The following HEATR5B variants were observed in gnomAD, a reference collection of about 807,000 sequenced individuals.
The protein encoded by HEATR5B is HEAT repeat-containing protein 5B.
HEATR5B carries 156 observed loss-of-function variants against 224.1 expected under a neutral mutation model. The observed-to-expected ratio is 0.70, with a 90% confidence interval of 0.61 to 0.80. The LOEUF (loss-of-function observed/expected upper bound fraction) is 0.80, where lower values mean the gene tolerates loss of function less well. HEATR5B is among the 30% of genes least tolerant of loss of function. The pLI is 0.00. For missense variants in HEATR5B, 2,323 were observed against 2,535.5 expected (o/e 0.92, Z 1.80); for synonymous variants, 1,027 against 893.0 (o/e 1.15, Z -2.68).
rs1269734961 is a variant in HEATR5B, at chr2:36,981,682, C to G, written c.6024G>C (p.Gln2008His). The part of the protein sequence containing the change: ...ASKDLHEFAL[Q>H]NLMHIGPLYP... ...ACAGAGGTCCAATATGCATTAAATT[C>G]TGGAGTGCAAACTCATGAAGATCTT... The change falls in exon 36 of 36, where the codon CAG becomes CAC. Residue 2008 changes from glutamine to histidine, a missense_variant. Physicochemically the swap from Gln to His is conservative, Grantham distance 24. Around this residue, in one of 12 missense-constraint regions of HEATR5B, gnomAD observed 844 missense variants for 812.9 expected, o/e 1.04. Transcript: ENST00000233099. 1 of 1,614,142 alleles carries G rather than the reference C, an allele frequency of 6.2e-7. No homozygotes were observed. Among genetic ancestry groups the G allele is most frequent in the Non-Finnish European group, 8.5e-7 (1 of 1,180,020 alleles).
chr2:37,044,200 G>C (rs951177271), intron 18 of HEATR5B, among the ~76,000 whole-genome samples: 2 of 152,144 alleles, frequency 1.3e-5, no homozygotes, highest in African/African-American at 4.8e-5. Context: ...GTGGGTAGTG[G>C]CTGCCATATT....
In HEATR5B at chr2:37,083,447, AC is replaced by A. The variant is rs771595698; in HGVS notation, c.-22-12del. ...GTTTGAAATTCACACCTTAAATTTA[AC>A]AGAGTAAAAAATACTTGTAAGTATT... On this transcript the variant is annotated splice_polypyrimidine_tract_variant and intron_variant, in intron 1 of 35. Transcript: ENST00000233099. The A allele has an allele frequency of 4.0e-5, 64 of 1,581,232 alleles. No individual in the cohort carries two copies. The highest frequency in any genetic ancestry group is 5.3e-5 in the Non-Finnish European group (61 of 1,154,528).
At chr2:37,021,054 C>G (rs1668428154) in intron 24 of HEATR5B, among the ~76,000 whole-genome samples, 1 of 151,988 alleles carries the variant, frequency 6.6e-6, no homozygotes, top group African/African-American at 2.4e-5. Flanking sequence ...TGTTATAGGA[C>G]TTACAATGAT....
At chr2:37,036,540 T>C (rs1223819801) in intron 21 of HEATR5B, among the ~76,000 whole-genome samples, 1 of 151,760 alleles carries the variant, frequency 6.6e-6, no homozygotes, top group Non-Finnish European at 1.5e-5. Context: ...AGACAGAGTT[T>C]CACTTTTCTC....
intron 18 of HEATR5B, among the ~76,000 whole-genome samples, chr2:37,048,965 A>G (rs1339379592): frequency 6.6e-6 from 1 of 152,206 alleles, no homozygotes; most frequent in Non-Finnish European, 1.5e-5. Context: ...AATACTCTAT[A>G]TATATGATAG....
At chr2:37,062,129 C>T (rs1401699746) in intron 10 of HEATR5B, 79 bp from the exon 11 acceptor site, 4 of 878,362 alleles carry the variant, frequency 4.6e-6, no homozygotes, top group South Asian at 2.8e-5. Flanking sequence ...GCATACATTA[C>T]TTAAAAGAAG....
intron 21 of HEATR5B, among the ~76,000 whole-genome samples, chr2:37,033,343 C>G (rs918265599): frequency 2.6e-5 from 4 of 152,112 alleles, no homozygotes; most frequent in African/African-American, 7.2e-5. Flanking sequence ...GATCTGTGCT[C>G]TAAAGCTCAT....
chr2:37,083,246 C>T, intron 2 of HEATR5B, 43 bp downstream of exon 2: 4 of 1,608,282 alleles, frequency 2.5e-6, no homozygotes, highest in Non-Finnish European at 3.4e-6. Context: ...ACCACATAAT[C>T]TCTTCACGTT....
At chr2:37,033,276 T>A (rs1011501891) in intron 21 of HEATR5B, among the ~76,000 whole-genome samples, 6 of 152,162 alleles carry the variant, frequency 3.9e-5, no homozygotes, top group African/African-American at 1.4e-4. Context: ...TTTGACAAAA[T>A]ACTACTACTA....
At chr2:37,075,951 T>C (rs62133113) in intron 4 of HEATR5B, 499 of 164,544 alleles carry the variant, frequency 3.0e-3, no homozygotes, top group Non-Finnish European at 4.9e-3. Context: ...ATATATAAAA[T>C]ATTTCAGAAC....
In HEATR5B at chr2:37,079,223, G is replaced by C. The variant is rs779059752; in HGVS notation, c.235C>G (p.Leu79Val). ...RKLLAKNLAA[L>V]YSIGDTFTVF... ...GTGAAAGTATCCCCAATGCTATAAAGGGCTGCGAGATTTTTAGCTAATAAT... is the reference window on the plus strand; with the variant it reads ...GTGAAAGTATCCCCAATGCTATAAACGGCTGCGAGATTTTTAGCTAATAAT... Residue 79 changes from leucine (L) to valine (V), a missense_variant, in exon 3 of 36, where the codon CTT (leucine) becomes GTT (valine). Physicochemically the swap from Leu to Val is conservative, Grantham distance 32. Coordinates refer to ENST00000233099, the MANE Select transcript of HEATR5B (RefSeq NM_019024.3). 4 of 1,605,206 alleles carry C rather than the reference G, an allele frequency of 2.5e-6. No individual in the cohort carries two copies. Among genetic ancestry groups the C allele is most frequent in the Non-Finnish European group, 3.4e-6 (4 of 1,172,006 alleles).
intron 33 of HEATR5B, among the ~76,000 whole-genome samples, chr2:36,993,851 T>G (rs1381761032): frequency 6.6e-6 from 1 of 152,024 alleles, no homozygotes; most frequent in Non-Finnish European, 1.5e-5. Context: ...TAGACAATTC[T>G]AAACTGAGAA....
rs759479489 is a variant in HEATR5B, at chr2:37,077,018, C to A, written c.340G>T (p.Ala114Ser). ...DTAAYLPTKL[A>S]AVACVGAFYE... ...AATGCTCCGACACAAGCCACCGCAG[C>A]CCTGTAAGAAGTGACAACTTCACTA... is the stretch of plus-strand genomic sequence containing the variant. Residue 114 changes from alanine to serine, a missense_variant and splice_region_variant, in exon 4 of 36, where the codon GCT (alanine) becomes TCT (serine). Ala to Ser is a moderately conservative substitution (Grantham distance 99). This residue lies in a region of HEATR5B where 292 missense variants were observed against 332.6 expected (regional missense o/e 0.88). Transcript: ENST00000233099. 5 of 1,612,256 alleles carry A rather than the reference C, an allele frequency of 3.1e-6. No individual in the cohort carries two copies. Among genetic ancestry groups the A allele is most frequent in the African/African-American group, 1.3e-5 (1 of 74,852 alleles).
At chr2:37,073,677 T>C (rs1164810243) in intron 5 of HEATR5B, among the ~76,000 whole-genome samples, 4 of 152,240 alleles carry the variant, frequency 2.6e-5, no homozygotes, top group Non-Finnish European at 5.9e-5. Context: ...AATGGAGAGA[T>C]ATATCATGTC....
At position 37,041,115 on chromosome 2, in the gene HEATR5B, A is replaced by G; in HGVS notation, c.2856+18T>C. The G allele has an allele frequency of 6.3e-7, 1 of 1,583,572 alleles. No homozygotes were observed. The highest frequency in any genetic ancestry group is 8.6e-7 in the Non-Finnish European group (1 of 1,168,326). On this transcript the variant is annotated intron_variant, in intron 19 of 35. Coordinates refer to ENST00000233099, the MANE Select transcript of HEATR5B (RefSeq NM_019024.3). ...AATTTTCTAAACTTTTGTAATAAAA[A>G]AACCAATTATATTATACCTGGACTT...
In HEATR5B at chr2:37,028,942, T is replaced by C. The variant is rs762870701; in HGVS notation, c.3362-22A>G. ...ACATCTGAAAGGTAATTTTTACAAA[T>C]GAATTTGTATGGTATTTTGGTGTAC... On this transcript the variant is annotated intron_variant, in intron 22 of 35. Coordinates refer to ENST00000233099, the MANE Select transcript of HEATR5B (RefSeq NM_019024.3). 1.9e-6 allele frequency: 3 copies of C among 1,611,280 alleles called. No homozygotes were observed. In the East Asian group the frequency reaches 6.7e-5, roughly 36 times the overall value.
intron 17 of HEATR5B, among the ~76,000 whole-genome samples, chr2:37,052,868 C>T (rs2148532962): frequency 6.6e-6 from 1 of 152,292 alleles, no homozygotes. Flanking sequence ...AAGATTTTAT[C>T]ATGCTACTCA....
chr2:37,062,167 CTGTA>C (rs1348098798), intron 10 of HEATR5B, 117 bp from the exon 11 acceptor site: 1 of 618,774 alleles, frequency 1.6e-6, no homozygotes, highest in African/African-American at 1.8e-5. Flanking sequence ...TGGCTCATGC[CTGTA>C]ATCCTAGCAC....
chr2:37,029,633 C>G (rs1668994287), intron 22 of HEATR5B, among the ~76,000 whole-genome samples: 1 of 151,756 alleles, frequency 6.6e-6, no homozygotes. Context: ...CATTGCACTC[C>G]AGCCTGGACC....
Sources: allele counts gnomAD v4.1 joint callset (sites outside exome capture counted in the v4.1 genomes callset), GRCh38; gene constraint gnomAD v4.1.1; regional missense constraint gnomAD v4.1.1; transcripts MANE v1.5; gene names NCBI Gene and HGNC (gene_info 2026-07-23, HGNC 2026-07-21).